ITGBL1: variants seen among roughly 807,000 people sequenced by gnomAD.
ITGBL1 encodes the protein integrin beta-like protein 1.
Under a neutral mutation model 68.5 loss-of-function variants are expected in ITGBL1, and 51 were observed. That is an observed-to-expected ratio of 0.74 (90% CI 0.59 to 0.94). The LOEUF (loss-of-function observed/expected upper bound fraction) is 0.94. Ranked by LOEUF, ITGBL1 falls within the 40% of genes least tolerant of loss-of-function variation. The pLI is 0.00. For synonymous variants in ITGBL1, 209 were observed against 227.3 expected (o/e 0.92, Z 0.72); for missense variants, 649 against 647.4 (o/e 1.00, Z -0.03).
At chr13:101,570,343 G>A (rs1419556291) in intron 3 of ITGBL1, among the ~76,000 whole-genome samples, 1 of 151,886 alleles carries the variant, frequency 6.6e-6, no homozygotes, top group Non-Finnish European at 1.5e-5. Context: ...TTCTTTACTT[G>A]TTGGCATAAT....
intron 7 of ITGBL1, among the ~76,000 whole-genome samples, chr13:101,636,760 A>G (rs2032182852): frequency 6.6e-6 from 1 of 152,170 alleles, no homozygotes; most frequent in Non-Finnish European, 1.5e-5. Flanking sequence ...GTGATTTTCA[A>G]TATTGAAATA....
In ITGBL1 at chr13:101,577,819, C is replaced by A. The variant is rs530412240; in HGVS notation, c.587-1468C>A. Among the ~76,000 whole-genome samples the A allele has an allele frequency of 3.3e-5, 5 of 152,072 alleles. No homozygotes were observed. The South Asian group carries it at 1.0e-3, about 32-fold the overall frequency. On this transcript the variant is annotated intron_variant, in intron 4 of 10. Transcript: ENST00000376180. ...GTGATTTGTGTGTGCAAGTAGACAC[C>A]ATTTTAAGTTCATAAATAAGATATA...
intron 4 of ITGBL1, among the ~76,000 whole-genome samples, chr13:101,578,611 G>A (rs1281385768): frequency 6.6e-6 from 1 of 152,158 alleles, no homozygotes; most frequent in Non-Finnish European, 1.5e-5. Context: ...GGTGGGAGCT[G>A]AAAGAGGGCA....
intron 2 of ITGBL1, among the ~76,000 whole-genome samples, chr13:101,550,276 G>T (rs1486883679): frequency 6.6e-6 from 1 of 152,102 alleles, no homozygotes; most frequent in African/African-American, 2.4e-5. Context: ...TGCCTCTGGA[G>T]AAAAAGAGTA....
chr13:101,453,959 G>T lies in ITGBL1; in HGVS notation c.175G>T (p.Gly59Trp). Residue 59 changes from glycine (G) to tryptophan (W), a missense_variant, in exon 2 of 11, where the codon GGG becomes TGG. Gly to Trp is a radical substitution (Grantham distance 184). Coordinates refer to ENST00000376180, the MANE Select transcript of ITGBL1 (RefSeq NM_004791.3). ...RRCRAPGQPP[G>W]AALCHGRGRC... Reference sequence around the variant, plus strand: ...CTGCCGCGCACCTGGGCAGCCCCCGGGGGCCGCGCTGTGCCACGGCCGGGG... The same window carrying T: ...CTGCCGCGCACCTGGGCAGCCCCCGTGGGCCGCGCTGTGCCACGGCCGGGG... 6.7e-7 allele frequency: 1 copy of T among 1,500,884 alleles called. No individual in the cohort carries two copies. The highest frequency in any genetic ancestry group is 8.9e-7 in the Non-Finnish European group (1 of 1,120,194). The allele number at this position is 1,500,884 out of a possible 1,614,324, so 93.0% of individuals were successfully genotyped here.
intron 2 of ITGBL1, among the ~76,000 whole-genome samples, chr13:101,482,061 A>C (rs1338551942): frequency 6.6e-6 from 1 of 152,028 alleles, no homozygotes; most frequent in Non-Finnish European, 1.5e-5. Flanking sequence ...GAAGACATCA[A>C]CTCCCAAAGA....
intron 2 of ITGBL1, among the ~76,000 whole-genome samples, chr13:101,557,197 TTAA>T (rs1173678672): frequency 6.6e-6 from 1 of 152,228 alleles, no homozygotes; most frequent in Admixed American, 6.5e-5. Flanking sequence ...AAGAATATTA[TTAA>T]TGTTTATCAA....
intron 9 of ITGBL1, among the ~76,000 whole-genome samples, chr13:101,708,097 T>G (rs1447535696): frequency 6.6e-6 from 1 of 151,268 alleles, no homozygotes; most frequent in Non-Finnish European, 1.5e-5. Flanking sequence ...AGGATTCCCC[T>G]GAGTAAAGAA....
chr13:101,511,653 G>C (rs762762342), intron 2 of ITGBL1, among the ~76,000 whole-genome samples: 1 of 152,062 alleles, frequency 6.6e-6, no homozygotes, highest in Non-Finnish European at 1.5e-5. Flanking sequence ...TCCTGGCTTT[G>C]AAGAAGCAAG....
At chr13:101,668,427 T>C (rs2033277789) in intron 7 of ITGBL1, among the ~76,000 whole-genome samples, 1 of 152,106 alleles carries the variant, frequency 6.6e-6, no homozygotes, top group Admixed American at 6.5e-5. Context: ...TTCAGCTTAA[T>C]AGCAAAATAG....
At chr13:101,496,335 G>A (rs1262032306) in intron 2 of ITGBL1, among the ~76,000 whole-genome samples, 1 of 152,136 alleles carries the variant, frequency 6.6e-6, no homozygotes, top group African/African-American at 2.4e-5. Context: ...GATCCTGTAA[G>A]TCATTTAAAT....
chr13:101,494,640 T>A (rs1228755810), intron 2 of ITGBL1, among the ~76,000 whole-genome samples: 2 of 152,162 alleles, frequency 1.3e-5, no homozygotes, highest in Non-Finnish European at 2.9e-5. Flanking sequence ...ATAGGCAAAT[T>A]GTGTATCCAA....
chr13:101,698,570 A>G (rs2034056747), intron 8 of ITGBL1, among the ~76,000 whole-genome samples: 2 of 152,246 alleles, frequency 1.3e-5, no homozygotes, highest in Non-Finnish European at 2.9e-5. Flanking sequence ...AGTCATGTTC[A>G]ATCATCATAG....
At chr13:101,688,660 A>G (rs374572986) in intron 7 of ITGBL1, among the ~76,000 whole-genome samples, 11 of 152,278 alleles carry the variant, frequency 7.2e-5, no homozygotes, top group East Asian at 1.9e-4. Context: ...TTCACAGAAG[A>G]CCCAAGAAGA....
At chr13:101,566,963 A>G (rs1156738017) in intron 2 of ITGBL1, among the ~76,000 whole-genome samples, 2 of 152,144 alleles carry the variant, frequency 1.3e-5, no homozygotes, top group Admixed American at 6.6e-5. Flanking sequence ...AAGTTTGTAC[A>G]TTCTTTGAGG....
chr13:101,531,285 G>A lies in ITGBL1; in HGVS notation c.317-36414G>A, dbSNP rs144822606. On this transcript the variant is annotated intron_variant, in intron 2 of 10. Transcript: ENST00000376180. ...TTACATGATATGTTTTCGGGGCTCTGATATTTCTGCTGCTGCTCCACTGAA... is the reference window on the plus strand; with the variant it reads ...TTACATGATATGTTTTCGGGGCTCTAATATTTCTGCTGCTGCTCCACTGAA... Among the ~76,000 whole-genome samples, 679 of 152,252 alleles carry A rather than the reference G, an allele frequency of 4.5e-3. 4 individuals carry two copies. The highest frequency in any genetic ancestry group is 7.8e-3 in the Non-Finnish European group (529 of 68,004).
chr13:101,634,014 C>T (rs1262904189), intron 7 of ITGBL1, among the ~76,000 whole-genome samples: 3 of 151,948 alleles, frequency 2.0e-5, no homozygotes, highest in African/African-American at 7.3e-5. Context: ...AGATTTTGTA[C>T]AAATATAATG....
rs796706833 is a variant in ITGBL1, at chr13:101,642,799, A to C, written c.1015+44500A>C. On this transcript the variant is annotated intron_variant, in intron 7 of 10. Transcript: ENST00000376180. ...CTACATATGGCTGGCCAGTTTTCCC[A>C]GCACCATTTATTAAATGTGGAATCC... Among the ~76,000 whole-genome samples, 341 of 152,132 alleles carry C rather than the reference A, an allele frequency of 2.2e-3. 7 individuals carry two copies. The East Asian group carries it at 0.042, about 19-fold the overall frequency.
Position 101,505,713 on chromosome 13 carries a change from G to A in ITGBL1, c.316+51613G>A, listed in dbSNP as rs180846307. Among the ~76,000 whole-genome samples, 297 of 152,184 alleles carry A rather than the reference G, an allele frequency of 2.0e-3. 1 individual carries two copies. The highest frequency in any genetic ancestry group is 6.0e-3 in the African/African-American group (248 of 41,528). ...CTCCTTGCCAGCCAATGAGCTTAAG[G>A]CTTTCTCTCCGTCTGAGAAACCATC... On this transcript the variant is annotated intron_variant, in intron 2 of 10. Coordinates refer to ENST00000376180, the MANE Select transcript of ITGBL1 (RefSeq NM_004791.3).
Sources: allele counts gnomAD v4.1 joint callset (sites outside exome capture counted in the v4.1 genomes callset), GRCh38; gene constraint gnomAD v4.1.1; transcripts MANE v1.5; gene names NCBI Gene and HGNC (gene_info 2026-07-23, HGNC 2026-07-21).